The following FBXL17 variants were observed in gnomAD, a reference collection of about 807,000 sequenced individuals.
FBXL17 encodes the protein F-box/LRR-repeat protein 17.
A neutral mutation model predicts 66.2 loss-of-function variants in FBXL17; 22 were observed. That is an observed-to-expected ratio of 0.33 (90% CI 0.24 to 0.47). The LOEUF (loss-of-function observed/expected upper bound fraction) is 0.47. Among genes scored for constraint, FBXL17 ranks in the 20% least tolerant of loss-of-function variants. The pLI, the probability that FBXL17 is intolerant of heterozygous loss-of-function variation, is 1.00. For missense variants in FBXL17, 878 were observed against 948.2 expected (o/e 0.93, Z 0.97); for synonymous variants, 474 against 400.5 (o/e 1.18, Z -2.19).
chr5:108,168,560 A>G (rs1561444449), intron 6 of FBXL17, among the ~76,000 whole-genome samples: 1 of 152,206 alleles, frequency 6.6e-6, no homozygotes, highest in Non-Finnish European at 1.5e-5. Flanking sequence ...AACTGTTTTG[A>G]AGATTAATCT....
intron 6 of FBXL17, among the ~76,000 whole-genome samples, chr5:108,157,782 C>G (rs1308297008): frequency 4.6e-5 from 7 of 151,614 alleles, no homozygotes; most frequent in Non-Finnish European, 1.0e-4. Context: ...AAAATGTAAC[C>G]CAGTTTAGCT....
At chr5:108,117,419 A>T (rs1470626626) in intron 6 of FBXL17, among the ~76,000 whole-genome samples, 1 of 152,234 alleles carries the variant, frequency 6.6e-6, no homozygotes, top group African/African-American at 2.4e-5. Flanking sequence ...CAAATGAAAA[A>T]GAGTGTTTTA....
intron 6 of FBXL17, among the ~76,000 whole-genome samples, chr5:108,031,602 T>G (rs537954098): frequency 3.3e-4 from 51 of 152,270 alleles, no homozygotes; most frequent in African/African-American, 1.1e-3. Flanking sequence ...GTATTCTGCA[T>G]CCATTTAGAA....
intron 7 of FBXL17, among the ~76,000 whole-genome samples, chr5:107,987,842 C>A (rs1753079191): frequency 6.6e-6 from 1 of 151,866 alleles, no homozygotes; most frequent in African/African-American, 2.4e-5. Flanking sequence ...ACATCTATAC[C>A]ATTTTAATAA....
At chr5:108,083,618 G>T (rs1474172364) in intron 6 of FBXL17, among the ~76,000 whole-genome samples, 2 of 149,238 alleles carry the variant, frequency 1.3e-5, no homozygotes, top group African/African-American at 5.0e-5. Flanking sequence ...ATGTTGCTCA[G>T]GTTAGCCTTG....
chr5:108,167,560 T>A (rs117927687), intron 6 of FBXL17, among the ~76,000 whole-genome samples: 1 of 152,204 alleles, frequency 6.6e-6, no homozygotes, highest in Non-Finnish European at 1.5e-5. Flanking sequence ...TCACAGGTAT[T>A]TGAAGAAGTC....
intron 7 of FBXL17, among the ~76,000 whole-genome samples, chr5:107,995,533 G>GA (rs954762478): frequency 7.3e-5 from 11 of 150,078 alleles, no homozygotes; most frequent in African/African-American, 1.7e-4. Flanking sequence ...TTACTTTTAA[G>GA]AAAAAAAAAT....
chr5:108,346,525 AG>A (rs772140438), intron 4 of FBXL17, among the ~76,000 whole-genome samples: 4 of 152,118 alleles, frequency 2.6e-5, no homozygotes, highest in Non-Finnish European at 5.9e-5. Context: ...TTACTCAACA[AG>A]AAAAATAAAA....
chr5:108,245,034 C>A (rs1756030786), intron 4 of FBXL17, among the ~76,000 whole-genome samples: 1 of 151,912 alleles, frequency 6.6e-6, no homozygotes, highest in Admixed American at 6.6e-5. Flanking sequence ...GAGTAATAAG[C>A]AAAATAGTGA....
At chr5:107,919,376 T>C (rs12522338) in intron 7 of FBXL17, among the ~76,000 whole-genome samples, 59,181 of 151,914 alleles carry the variant, frequency 0.39, 12,006 homozygotes, top group Admixed American at 0.52. Flanking sequence ...TCGCAACAGC[T>C]TCCTGACAGG....
At chr5:108,291,806 A>G (rs1758123065) in intron 4 of FBXL17, among the ~76,000 whole-genome samples, 1 of 152,166 alleles carries the variant, frequency 6.6e-6, no homozygotes, top group South Asian at 2.1e-4. Flanking sequence ...TTTAAGCCAG[A>G]AACCCAGCAG....
intron 6 of FBXL17, among the ~76,000 whole-genome samples, chr5:108,138,738 CAAAG>C (rs1294608168): frequency 6.6e-6 from 1 of 152,042 alleles, no homozygotes; most frequent in Non-Finnish European, 1.5e-5. Flanking sequence ...ATTGGAAATA[CAAAG>C]ATGAGTAAGA....
chr5:108,258,737 A>ATTTTTTTT lies in FBXL17; in HGVS notation c.1507-34517_1507-34510dup, dbSNP rs759401052. 7.1e-3 allele frequency among the ~76,000 whole-genome samples: 869 copies of ATTTTTTTT among 122,790 alleles called. 22 individuals are homozygous for ATTTTTTTT. The highest frequency in any genetic ancestry group is 0.025 in the African/African-American group (833 of 32,916). The allele number at this position is 122,790 out of a possible 152,430, so 80.6% of individuals were successfully genotyped here. ...GAAGTCAGGATAAATGGCCTTTAAC[A>ATTTTTTTT]TTTTTTTTTTTTTTTTTTTTGCTAA... is the stretch of plus-strand genomic sequence containing the variant. On this transcript the variant is annotated intron_variant, in intron 4 of 8. Transcript: ENST00000542267.
intron 1 of FBXL17, among the ~76,000 whole-genome samples, chr5:108,377,831 GACTATGTGGTCTT>G (rs1167492460): frequency 6.6e-6 from 1 of 152,180 alleles, no homozygotes; most frequent in Non-Finnish European, 1.5e-5. Flanking sequence ...AAGGTTAAAG[GACTATGTGGTCTT>G]AAAGGGCTAA....
At chr5:108,199,854 T>C (rs1753819168) in intron 5 of FBXL17, among the ~76,000 whole-genome samples, 1 of 152,138 alleles carries the variant, frequency 6.6e-6, no homozygotes, top group South Asian at 2.1e-4. Context: ...GGAAATTTCA[T>C]TAAGGGAATT....
intron 7 of FBXL17, among the ~76,000 whole-genome samples, chr5:107,990,408 A>C (rs1753195460): frequency 1.3e-5 from 2 of 152,178 alleles, no homozygotes; most frequent in Admixed American, 1.3e-4. Flanking sequence ...TCATTTATTC[A>C]TTTATCATTT....
chr5:108,244,628 G>A (rs776993098), intron 4 of FBXL17, among the ~76,000 whole-genome samples: 38 of 152,224 alleles, frequency 2.5e-4, no homozygotes, highest in Non-Finnish European at 4.9e-4. Context: ...TTATATCATT[G>A]TACTTGATAA....
At chr5:108,248,260 T>C (rs1281988051) in intron 4 of FBXL17, among the ~76,000 whole-genome samples, 1 of 152,060 alleles carries the variant, frequency 6.6e-6, no homozygotes, top group Non-Finnish European at 1.5e-5. Flanking sequence ...GTAGATGATA[T>C]AAAGAAGAAC....
At position 107,859,418 on chromosome 5, in the gene FBXL17, G is replaced by C. The variant is rs1291464111; in HGVS notation, c.*2302C>G. 2.9e-5 allele frequency: 1 copy of C among 34,872 alleles called. No homozygotes were observed. Among genetic ancestry groups the C allele is most frequent in the African/African-American group, 1.0e-4 (1 of 9,620 alleles). The allele number at this position is 34,872 out of a possible 1,614,324, so 2.2% of individuals were successfully genotyped here. On this transcript the variant is annotated 3_prime_UTR_variant, in exon 9 of 9. Transcript: ENST00000542267. ...TTTTTTTTTTTTTTTTTTTTTTTTT[G>C]AGATTAATGCTTTGAGGCTGGATAT... is the stretch of plus-strand genomic sequence containing the variant.
Sources: allele counts gnomAD v4.1 joint callset (sites outside exome capture counted in the v4.1 genomes callset), GRCh38; gene constraint gnomAD v4.1.1; transcripts MANE v1.5; gene names NCBI Gene and HGNC (gene_info 2026-07-23, HGNC 2026-07-21).